Variants in OR9Q1 observed in about 807,000 individuals in gnomAD.
OR9Q1 encodes olfactory receptor 9Q1.
For synonymous variants in OR9Q1, 153 were observed against 148.6 expected, an observed-to-expected ratio of 1.03 and a Z score of -0.22; for missense variants, 374 against 378.8, an observed-to-expected ratio of 0.99 and a Z score of 0.11.
At chr11:58,095,693 A>G (rs1853724276) in intron 2 of OR9Q1, among the ~76,000 whole-genome samples, 1 of 152,172 alleles carries the variant, frequency 6.6e-6, no homozygotes, top group Admixed American at 6.5e-5. Context: ...AATCACCACC[A>G]TGATTCAATG....
chr11:58,144,258 T>C (rs1754587976), intron 2 of OR9Q1, among the ~76,000 whole-genome samples: 2 of 139,956 alleles, frequency 1.4e-5, no homozygotes, highest in African/African-American at 2.7e-5. Context: ...AATTCCCACC[T>C]ATGAGTGAGA....
chr11:58,159,237 G>C (rs1404444041), intron 2 of OR9Q1, among the ~76,000 whole-genome samples: 2 of 152,178 alleles, frequency 1.3e-5, no homozygotes, highest in East Asian at 3.9e-4. Flanking sequence ...ATAAATTGGT[G>C]AACTACCATC....
At chr11:58,110,429 C>T (rs1211482898) in intron 2 of OR9Q1, among the ~76,000 whole-genome samples, 1 of 152,072 alleles carries the variant, frequency 6.6e-6, no homozygotes, top group African/African-American at 2.4e-5. Context: ...TCTTGAGGGA[C>T]CATGAAAGAC....
At chr11:58,124,559 A>G (rs1183278281) in intron 2 of OR9Q1, 3 of 152,198 alleles carry the variant, frequency 2.0e-5, no homozygotes, top group African/African-American at 7.2e-5. Context: ...GTGTCTTGAA[A>G]TATTGTTGTT....
intron 1 of OR9Q1, among the ~76,000 whole-genome samples, chr11:58,042,798 C>G (rs943764288): frequency 6.6e-6 from 1 of 152,104 alleles, no homozygotes; most frequent in Non-Finnish European, 1.5e-5. Context: ...TTCTTCCATT[C>G]GTTTGTATCC....
At chr11:58,031,719 A>G (rs946483428) in intron 1 of OR9Q1, 4 of 1,613,890 alleles carry the variant, frequency 2.5e-6, no homozygotes, top group Non-Finnish European at 2.5e-6. Context: ...AGCCTCTTCT[A>G]TGGCACTCTT....
chr11:58,180,299 T>A lies in OR9Q1; in HGVS notation c.855T>A (p.Asn285Lys). The change falls in exon 3 of 3, where the codon AAT (asparagine) becomes AAA (lysine). Residue 285 changes from asparagine to lysine, a missense_variant. Asn to Lys is a moderately conservative substitution (Grantham distance 94). Transcript: ENST00000335397. Reference protein sequence around the residue: ...VLYTEVIPMLNPLIYSLRNKE... With the variant: ...VLYTEVIPMLKPLIYSLRNKE... ...ACACAGAGGTCATCCCCATGTTGAA[T>A]CCCCTCATCTACAGCCTGAGGAACA... The A allele has an allele frequency of 6.2e-7, 1 of 1,613,578 alleles. No individual in the cohort carries two copies. Among genetic ancestry groups the A allele is most frequent in the Admixed American group, 1.7e-5 (1 of 59,996 alleles).
intron 2 of OR9Q1, among the ~76,000 whole-genome samples, chr11:58,089,157 C>T (rs1275529828): frequency 1.3e-5 from 2 of 151,770 alleles, no homozygotes; most frequent in Admixed American, 6.6e-5. Flanking sequence ...GGATTACAAG[C>T]GTGAGCCACC....
chr11:58,160,298 T>G (rs1854445174), intron 2 of OR9Q1, among the ~76,000 whole-genome samples: 1 of 152,254 alleles, frequency 6.6e-6, no homozygotes, highest in African/African-American at 2.4e-5. Flanking sequence ...TGATAATAAA[T>G]GATTTTTGCA....
At chr11:58,086,012 A>G (rs1199000857) in intron 2 of OR9Q1, among the ~76,000 whole-genome samples, 1 of 151,904 alleles carries the variant, frequency 6.6e-6, no homozygotes, top group East Asian at 1.9e-4. Flanking sequence ...TGAACCTGCT[A>G]TTGAAACAAT....
At chr11:58,116,552 C>T (rs1853957105) in intron 2 of OR9Q1, among the ~76,000 whole-genome samples, 1 of 152,182 alleles carries the variant, frequency 6.6e-6, no homozygotes, top group South Asian at 2.1e-4. Context: ...TTTAAGTATG[C>T]ATTTCCTGAT....
intron 2 of OR9Q1, among the ~76,000 whole-genome samples, chr11:58,065,549 A>C (rs1381764567): frequency 2.0e-5 from 3 of 152,172 alleles, no homozygotes; most frequent in Non-Finnish European, 1.5e-5. Context: ...AAGCCTTGGA[A>C]ACAGTTCAGA....
chr11:58,134,025 G>A (rs1381466694), intron 2 of OR9Q1, among the ~76,000 whole-genome samples: 1 of 152,162 alleles, frequency 6.6e-6, no homozygotes, highest in East Asian at 1.9e-4. Context: ...GCTACTTTCT[G>A]TGAGTGCTTG....
rs933550117 is a variant in OR9Q1, at chr11:58,181,467, G to A, written c.*1090G>A. 3 of 165,414 alleles carry A rather than the reference G, an allele frequency of 1.8e-5. No homozygotes were observed. In the Admixed American group the frequency reaches 2.0e-4, roughly 11 times the overall value. 10.2% of individuals were successfully genotyped at this position (165,414 alleles called of 1,614,324 possible). On this transcript the variant is annotated 3_prime_UTR_variant, in exon 3 of 3. Coordinates refer to ENST00000335397, the MANE Select transcript of OR9Q1 (RefSeq NM_001005212.4). ...GGGACTTGTCTCAATCAAACCCAAG[G>A]CACTGGAAGAGAGCAGGCCCCATCT...
intron 1 of OR9Q1, among the ~76,000 whole-genome samples, chr11:58,040,413 AGGTCT>A (rs547168278): frequency 6.6e-6 from 1 of 152,320 alleles, no homozygotes. Flanking sequence ...GACATGAACC[AGGTCT>A]GGCTGGCTCC....
At chr11:58,082,805 A>G (rs1296187673) in intron 2 of OR9Q1, among the ~76,000 whole-genome samples, 1 of 149,346 alleles carries the variant, frequency 6.7e-6, no homozygotes, top group Non-Finnish European at 1.5e-5. Flanking sequence ...AAATTTTATT[A>G]TTATTATACT....
chr11:58,075,970 T>C (rs1853535321), intron 2 of OR9Q1, among the ~76,000 whole-genome samples: 1 of 152,218 alleles, frequency 6.6e-6, no homozygotes, highest in Non-Finnish European at 1.5e-5. Context: ...AGTACAAATC[T>C]AGCCTGCTGC....
intron 2 of OR9Q1, among the ~76,000 whole-genome samples, chr11:58,173,447 C>T (rs1033437807): frequency 4.0e-5 from 6 of 151,862 alleles, no homozygotes; most frequent in Admixed American, 3.9e-4. Context: ...TCATCCATGT[C>T]CCTACAAAGG....
intron 2 of OR9Q1, among the ~76,000 whole-genome samples, chr11:58,056,757 T>G (rs1204838255): frequency 6.6e-6 from 1 of 152,080 alleles, no homozygotes; most frequent in African/African-American, 2.4e-5. Flanking sequence ...TCAAGAAAAA[T>G]CTTATGCTTC....
Sources: gnomAD v4.1 joint callset for allele counts (sites outside exome capture counted in the v4.1 genomes callset) on GRCh38, gnomAD v4.1.1 for gene constraint, MANE v1.5 for transcripts, NCBI Gene and HGNC (gene_info 2026-07-23, HGNC 2026-07-21) for gene names.